ERAP1: variants seen among roughly 807,000 people sequenced by gnomAD.
The protein encoded by ERAP1 is adipocyte-derived leucine aminopeptidase.
ERAP1 carries 86 observed loss-of-function variants against 103.7 expected under a neutral mutation model. That is an observed-to-expected ratio of 0.83 (90% CI 0.70 to 0.99). The LOEUF is 0.99. Among genes scored for constraint, ERAP1 ranks in the 50% least tolerant of loss-of-function variants. The pLI, the probability that ERAP1 is intolerant of heterozygous loss-of-function variation, is 0.00. For missense variants in ERAP1, 1,009 were observed against 1,128.4 expected, an observed-to-expected ratio of 0.89 and a Z score of 1.52; for synonymous variants, 398 against 402.4, an observed-to-expected ratio of 0.99 and a Z score of 0.13.
intron 19 of ERAP1, among the ~76,000 whole-genome samples, chr5:96,764,897 C>G (rs186485167): frequency 6.6e-6 from 1 of 152,290 alleles, no homozygotes; most frequent in Non-Finnish European, 1.5e-5. Context: ...TATGTGACCT[C>G]CAGGTCACCC....
At chr5:96,861,345 C>T in the ERAP1 span, among the ~76,000 whole-genome samples, 1 of 152,170 alleles carries the variant, frequency 6.6e-6, no homozygotes, top group Non-Finnish European at 1.5e-5. Flanking sequence ...TCTCTGGTAA[C>T]AAAGGATAGA....
chr5:96,900,024 T>C, the ERAP1 span: 3 of 1,373,362 alleles, frequency 2.2e-6, no homozygotes, highest in Non-Finnish European at 2.0e-6. Context: ...TTATTTCATA[T>C]AGCTCTTTTA....
the ERAP1 span, among the ~76,000 whole-genome samples, chr5:96,870,553 C>A: frequency 3.3e-5 from 5 of 152,106 alleles, no homozygotes; most frequent in Admixed American, 3.3e-4. Context: ...TCACCTATAA[C>A]ATCCCATAAT....
At chr5:96,769,045 A>G (rs1771142589) in intron 19 of ERAP1, 1 of 152,230 alleles carries the variant, frequency 6.6e-6, no homozygotes, top group Admixed American at 6.5e-5. Flanking sequence ...TAATTCAACA[A>G]GTGTGAGGCA....
the ERAP1 span, among the ~76,000 whole-genome samples, chr5:96,907,698 A>G: frequency 3.9e-5 from 6 of 152,210 alleles, no homozygotes; most frequent in African/African-American, 1.2e-4. Flanking sequence ...CCTGGCCAAC[A>G]TGGTGAAATC....
chr5:96,879,700 T>A, the ERAP1 span: 3 of 1,613,708 alleles, frequency 1.9e-6, no homozygotes, highest in Non-Finnish European at 2.5e-6. Context: ...TCCATTCTTC[T>A]GCAATGGTTA....
At chr5:96,767,935 A>G (rs772762933) in intron 19 of ERAP1, 3 of 1,613,394 alleles carry the variant, frequency 1.9e-6, no homozygotes, top group Admixed American at 1.7e-5. Context: ...GACCCCATTG[A>G]TGCTCTCTCA....
At chr5:96,842,825 T>C in the ERAP1 span, among the ~76,000 whole-genome samples, 23 of 152,262 alleles carry the variant, frequency 1.5e-4, no homozygotes, top group African/African-American at 5.1e-4. Flanking sequence ...GCATTTGCTT[T>C]TGGGTTCTTG....
chr5:96,782,610 A>G (rs1775376896), intron 15 of ERAP1, among the ~76,000 whole-genome samples: 1 of 152,186 alleles, frequency 6.6e-6, no homozygotes, highest in African/African-American at 2.4e-5. Context: ...CCAAATGTAA[A>G]AAGGACTGAA....
chr5:96,896,865 T>C, the ERAP1 span: 1 of 1,575,808 alleles, frequency 6.3e-7, no homozygotes, highest in Non-Finnish European at 8.6e-7. Context: ...CTGTCAAATG[T>C]AAGTCATATG....
chr5:96,906,279 G>A, the ERAP1 span, among the ~76,000 whole-genome samples: 3 of 150,062 alleles, frequency 2.0e-5, no homozygotes, highest in African/African-American at 4.9e-5. Flanking sequence ...TTCTTCAAGG[G>A]CTTTGCTCTT....
intron 3 of ERAP1, among the ~76,000 whole-genome samples, chr5:96,798,009 A>C (rs26500): frequency 0.71 from 108,076 of 152,010 alleles, 39,065 homozygotes; most frequent in Non-Finnish European, 0.79. Context: ...TACCTAAAAG[A>C]GCTTCTGTTC....
the ERAP1 span, among the ~76,000 whole-genome samples, chr5:96,867,928 G>C: frequency 2.0e-4 from 31 of 152,184 alleles, no homozygotes; most frequent in African/African-American, 7.5e-4. Context: ...GCAAAAATGA[G>C]CCAGGTTTGG....
At chr5:96,769,139 A>G (rs1009173092) in intron 19 of ERAP1, 2 of 152,200 alleles carry the variant, frequency 1.3e-5, no homozygotes, top group Non-Finnish European at 2.9e-5. Flanking sequence ...AGGAGAGTTA[A>G]TTCTGCAGAT....
At chr5:96,858,573 A>T in the ERAP1 span, among the ~76,000 whole-genome samples, 2 of 152,208 alleles carry the variant, frequency 1.3e-5, no homozygotes, top group East Asian at 1.9e-4. Flanking sequence ...ACAGCCATTC[A>T]ACTTGGGGAT....
the ERAP1 span, among the ~76,000 whole-genome samples, chr5:96,884,084 T>C: frequency 6.7e-6 from 1 of 149,540 alleles, no homozygotes; most frequent in African/African-American, 2.5e-5. Context: ...CTATCTATCA[T>C]CATAATTTCA....
chr5:96,922,471 A>T, the ERAP1 span, among the ~76,000 whole-genome samples: 1 of 152,208 alleles, frequency 6.6e-6, no homozygotes, highest in African/African-American at 2.4e-5. Context: ...GACTGCTGGC[A>T]TATAATTTTA....
chr5:96,862,271 G>A, the ERAP1 span, among the ~76,000 whole-genome samples: 1 of 152,194 alleles, frequency 6.6e-6, no homozygotes, highest in Non-Finnish European at 1.5e-5. Flanking sequence ...TTACAGGCAT[G>A]AGCCACCCTG....
the ERAP1 span, among the ~76,000 whole-genome samples, chr5:96,872,654 T>C: frequency 8.5e-5 from 13 of 152,276 alleles, no homozygotes; most frequent in South Asian, 4.1e-4. Context: ...ATTTAAAGTT[T>C]ACAAAACATT....
Sources: gnomAD v4.1 joint callset for allele counts (sites outside exome capture counted in the v4.1 genomes callset) on GRCh38, gnomAD v4.1.1 for gene constraint, MANE v1.5 for transcripts, NCBI Gene and HGNC (gene_info 2026-07-23, HGNC 2026-07-21) for gene names.